The following MELTF variants were observed in gnomAD, a reference collection of about 807,000 sequenced individuals.
MELTF encodes melanotransferrin, also known as antigen p97 (melanoma associated) identified by monoclonal antibodies 133.2 and 96.5.
A neutral mutation model predicts 83.7 loss-of-function variants in MELTF; 67 were observed. The ratio of observed to expected loss-of-function variants is 0.80; its 90% CI spans 0.66 to 0.98. MELTF has a LOEUF of 0.98. Ranked by LOEUF, MELTF falls within the 50% of genes least tolerant of loss-of-function variation. The probability of loss-of-function intolerance (pLI) is 0.00; values close to 1 mark genes in which losing one functional copy is unlikely to be tolerated. For missense variants in MELTF, 1,002 were observed against 1,035.6 expected, an observed-to-expected ratio of 0.97 and a Z score of 0.44; for synonymous variants, 462 against 447.6, an observed-to-expected ratio of 1.03 and a Z score of -0.41.
In MELTF at chr3:197,024,316, G is replaced by A. The variant is rs76181222; in HGVS notation, c.474C>T (p.Cys158=). The A allele has an allele frequency of 2.8e-3, 4,450 of 1,575,688 alleles. 71 individuals are homozygous for A. The highest frequency in any genetic ancestry group is 0.022 in the South Asian group (1,958 of 87,336). Residue 158 remains cysteine, a synonymous_variant, in exon 4 of 16, where the codon TGC becomes TGT. Coordinates refer to ENST00000296350, the MANE Select transcript of MELTF (RefSeq NM_005929.6). The surrounding 1 kb of genome is among the most constrained non-coding windows in gnomAD (Gnocchi z 5.3). Reference sequence around the variant, plus strand: ...CAAAGCCCTCACCTTTGAGTACATCGCAGCCCATCACCGAGAGGCGGCCGC... The same window carrying A: ...CAAAGCCCTCACCTTTGAGTACATCACAGCCCATCACCGAGAGGCGGCCGC... ...VESGRLSVMG[C]DVLKAVSDYF...
chr3:197,029,817 C>T lies in MELTF; in HGVS notation c.-115G>A, dbSNP rs1202660826. On this transcript the variant is annotated 5_prime_UTR_variant, in exon 1 of 16. Coordinates refer to ENST00000296350, the MANE Select transcript of MELTF (RefSeq NM_005929.6). The surrounding 1 kb of genome is among the most constrained non-coding windows in gnomAD (Gnocchi z 6.5). Reference sequence around the variant, plus strand: ...CGCGCTGGCCCGAGCTCCTTAAGTGCGGCCGCGAGTTCCCGGGCGGAATCC... The same window carrying T: ...CGCGCTGGCCCGAGCTCCTTAAGTGTGGCCGCGAGTTCCCGGGCGGAATCC... The T allele has an allele frequency of 4.2e-6, 3 of 711,578 alleles. No individual in the cohort carries two copies. The highest frequency in any genetic ancestry group is 8.8e-5 in the Admixed American group (2 of 22,774). The allele number at this position is 711,578 out of a possible 1,614,324, so 44.1% of individuals were successfully genotyped here. A position where few individuals can be genotyped will look rare whatever the true frequency, so the allele number is the denominator to read the frequency against.
intron 11 of MELTF, 61 bp from the exon 12 acceptor site, chr3:197,009,026 G>C: frequency 6.3e-7 from 1 of 1,592,038 alleles, no homozygotes; most frequent in South Asian, 1.1e-5. Context: ...GAGGGAGCTG[G>C]GCGGGCCGCT....
In MELTF at chr3:197,024,563, G is replaced by A. The variant is rs1392446511; in HGVS notation, c.305-78C>T. 1.5e-6 allele frequency: 2 copies of A among 1,357,250 alleles called. No individual in the cohort carries two copies. The highest frequency in any genetic ancestry group is 2.0e-6 in the Non-Finnish European group (2 of 992,454). 84.1% of individuals were successfully genotyped at this position (1,357,250 alleles called of 1,614,324 possible). A position where few individuals can be genotyped will look rare whatever the true frequency, so the allele number is the denominator to read the frequency against. ...CTGCACCAGCACCCTGCCTGGGCGG[G>A]CTGTGGGAGAGGTGTGTGCACGGAG... On this transcript the variant is annotated intron_variant, in intron 3 of 15. Coordinates refer to ENST00000296350, the MANE Select transcript of MELTF (RefSeq NM_005929.6). The surrounding 1 kb of genome is among the most constrained non-coding windows in gnomAD (Gnocchi z 5.3).
intron 11 of MELTF, 108 bp downstream of exon 11, chr3:197,009,510 A>G: frequency 8.9e-7 from 1 of 1,118,478 alleles, no homozygotes; most frequent in Non-Finnish European, 1.3e-6. Flanking sequence ...GCACATATGC[A>G]GAAGCCTGGC....
Position 197,027,803 on chromosome 3 carries a change from G to T in MELTF, c.157C>A (p.Leu53Ile). 1 of 1,611,200 alleles carries T rather than the reference G, an allele frequency of 6.2e-7. No individual in the cohort carries two copies. The highest frequency in any genetic ancestry group is 8.5e-7 in the Non-Finnish European group (1 of 1,179,220). Residue 53 changes from leucine to isoleucine, a missense_variant, in exon 2 of 16, where the codon CTC becomes ATC. Physicochemically the swap from Leu to Ile is conservative, Grantham distance 5. Transcript: ENST00000296350. ...TCGGCGGAGGTGCCCCGGACGCAGA[G>T]GAGGGAGGGCTGGATGCCCGCTTCC... Reference protein sequence around the residue: ...FREAGIQPSLLCVRGTSADHC... With the variant: ...FREAGIQPSLICVRGTSADHC...
intron 3 of MELTF, chr3:197,026,169 T>C (rs1257058361): frequency 5.8e-6 from 1 of 171,674 alleles, no homozygotes; most frequent in African/African-American, 2.4e-5. Flanking sequence ...CTATCCCCAT[T>C]ATACAGTCTG....
rs777077615 is a variant in MELTF at position 197,016,270 on chromosome 3, G to C, written c.1000C>G (p.Pro334Ala). The C allele has an allele frequency of 1.1e-5, 17 of 1,612,964 alleles. No homozygotes were observed. Among genetic ancestry groups the C allele is most frequent in the Non-Finnish European group, 1.4e-5 (17 of 1,179,438 alleles). ...LFKDSTSELVPIATQTYEAWL... is the reference protein window; with the variant it reads ...LFKDSTSELVAIATQTYEAWL... Reference sequence around the variant, plus strand: ...GCCTCATAGGTCTGTGTGGCGATGGGCACAAGCTCCGAGGTAGAGTCTTTG... The same window carrying C: ...GCCTCATAGGTCTGTGTGGCGATGGCCACAAGCTCCGAGGTAGAGTCTTTG... The change falls in exon 8 of 16, where the codon CCC becomes GCC. Residue 334 changes from proline to alanine, a missense_variant. Pro to Ala is a conservative substitution (Grantham distance 27). Coordinates refer to ENST00000296350, the MANE Select transcript of MELTF (RefSeq NM_005929.6).
rs2288766 is a variant in MELTF at position 197,022,927 on chromosome 3, T to G, written c.644+30A>C. 0.83 allele frequency: 1,302,071 copies of G among 1,575,108 alleles called. 539,709 individuals are homozygous for G. The highest frequency in any genetic ancestry group is 0.84 in the Non-Finnish European group (976,470 of 1,161,384). On this transcript the variant is annotated intron_variant, in intron 5 of 15. Coordinates refer to ENST00000296350, the MANE Select transcript of MELTF (RefSeq NM_005929.6). The surrounding 1 kb of genome is among the most constrained non-coding windows in gnomAD (Gnocchi z 5.1). The stretch of plus-strand genomic sequence containing the variant: ...TTGTGGCCTCAGCTCCTCCCTGCCC[T>G]CGGCCCCTCCCTGCCCCCACTCCGC...
intron 7 of MELTF, 86 bp downstream of exon 7, chr3:197,017,017 C>G: frequency 7.0e-7 from 1 of 1,422,846 alleles, no homozygotes; most frequent in South Asian, 1.3e-5. Flanking sequence ...TGGGTCCTGC[C>G]CCTCCTGGTC....
At position 197,028,005 on chromosome 3, in the gene MELTF, C is replaced by T. The variant is rs1218664019; in HGVS notation, c.50-95G>A. 33 of 1,397,076 alleles carry T rather than the reference C, an allele frequency of 2.4e-5. 1 individual carries two copies. Among genetic ancestry groups the T allele is most frequent in the East Asian group, 5.1e-5 (2 of 39,546 alleles). The allele number at this position is 1,397,076 out of a possible 1,614,324, so 86.5% of individuals were successfully genotyped here. A position where few individuals can be genotyped will look rare whatever the true frequency, so the allele number is the denominator to read the frequency against. ...TCCAGCAGTTCTGTGTGAGCCCATT[C>T]GCCTGGACAGCCAGTCCTCTAGGGC... On this transcript the variant is annotated intron_variant, in intron 1 of 15. Coordinates refer to ENST00000296350, the MANE Select transcript of MELTF (RefSeq NM_005929.6).
rs554715496 is a variant in MELTF, at chr3:197,022,467, C to T, written c.644+490G>A. Among the ~76,000 whole-genome samples the T allele has an allele frequency of 1.3e-5, 2 of 152,168 alleles. No individual in the cohort carries two copies. Among genetic ancestry groups the T allele is most frequent in the African/African-American group, 2.4e-5 (1 of 41,424 alleles). ...GAAACGTGAGGTAGCTAGAGGGGCC[C>T]GAGAAGCTTCCTTTCCAATCCTGCT... On this transcript the variant is annotated intron_variant, in intron 5 of 15. Transcript: ENST00000296350. The surrounding 1 kb of genome is among the most constrained non-coding windows in gnomAD (Gnocchi z 5.1).
chr3:197,020,312 G>T (rs1719568256), intron 6 of MELTF, among the ~76,000 whole-genome samples: 1 of 152,230 alleles, frequency 6.6e-6, no homozygotes, highest in Admixed American at 6.5e-5. Context: ...AATTGGGACG[G>T]TGAGTGAATC....
At chr3:197,004,454 C>T in intron 14 of MELTF, 1 of 336,250 alleles carries the variant, frequency 3.0e-6, no homozygotes, top group East Asian at 7.6e-5. Flanking sequence ...CTGAGCACTT[C>T]TTGGCCTTTT....
intron 14 of MELTF, among the ~76,000 whole-genome samples, chr3:197,005,087 G>GT (rs1718929612): frequency 6.6e-6 from 1 of 152,220 alleles, no homozygotes; most frequent in Non-Finnish European, 1.5e-5. Context: ...GTGCTGGTGG[G>GT]TGTGGAGAAG....
At chr3:197,026,914 C>A in intron 2 of MELTF, 155 bp from the exon 3 acceptor site, 1 of 600,020 alleles carries the variant, frequency 1.7e-6, no homozygotes, top group South Asian at 2.0e-5. Flanking sequence ...GAGCCCAGGG[C>A]TCTCCCCCTT....
At chr3:197,026,621 G>A in intron 3 of MELTF, 39 bp downstream of exon 3, 1 of 1,579,238 alleles carries the variant, frequency 6.3e-7, no homozygotes, top group Non-Finnish European at 8.7e-7. Context: ...CTGACTTCCA[G>A]CGCAGGCTGT....
chr3:197,003,650 C>T lies in MELTF; in HGVS notation c.2138-199G>A. The T allele has an allele frequency of 1.5e-6, 1 of 664,570 alleles. No homozygotes were observed. Among genetic ancestry groups the T allele is most frequent in the Non-Finnish European group, 2.5e-6 (1 of 401,256 alleles). The allele number at this position is 664,570 out of a possible 1,614,324, so 41.2% of individuals were successfully genotyped here. On this transcript the variant is annotated intron_variant, in intron 15 of 15. Transcript: ENST00000296350. This position sits in a 1 kb window ranked among gnomAD's most constrained non-coding sequence, Gnocchi z 6.2. The stretch of plus-strand genomic sequence containing the variant: ...CACACGCATGTCTCTGCCGTGGCCC[C>T]AGATCCTCCCCGCGCCGCCGTTTTG...
At chr3:197,026,604 T>C in intron 3 of MELTF, 56 bp downstream of exon 3, 1 of 1,527,370 alleles carries the variant, frequency 6.5e-7, no homozygotes. Context: ...AAGGGCAGCC[T>C]GGAGAGCTGA....
intron 11 of MELTF, 83 bp from the exon 12 acceptor site, chr3:197,009,048 C>G: frequency 6.5e-7 from 1 of 1,533,034 alleles, no homozygotes; most frequent in Non-Finnish European, 8.9e-7. Flanking sequence ...CCCCACAGGT[C>G]TGCCCACCCC....
Sources: gnomAD v4.1 joint callset for allele counts (sites outside exome capture counted in the v4.1 genomes callset) on GRCh38, gnomAD v4.1.1 for gene constraint, Gnocchi (gnomAD v3.1) non-coding constraint, MANE v1.5 for transcripts, NCBI Gene and HGNC (gene_info 2026-07-23, HGNC 2026-07-21) for gene names.